The following FMNL2 variants were observed in gnomAD, a reference collection of about 807,000 sequenced individuals.
The protein encoded by FMNL2 is formin-like protein 2.
FMNL2 carries 51 observed loss-of-function variants against 130.2 expected under a neutral mutation model. That is an observed-to-expected ratio of 0.39 (90% confidence interval 0.31 to 0.49). FMNL2 has a LOEUF of 0.49. FMNL2 is among the 20% of genes least tolerant of loss of function. The pLI is 0.85. For synonymous variants in FMNL2, 465 were observed against 467.1 expected (o/e 1.00, Z 0.06); for missense variants, 977 against 1,316.2 (o/e 0.74, Z 3.99).
chr2:152,432,672 A>C (rs1228229786), intron 1 of FMNL2, among the ~76,000 whole-genome samples: 1 of 152,232 alleles, frequency 6.6e-6, no homozygotes, highest in Non-Finnish European at 1.5e-5. Context: ...TGTTATAAAT[A>C]AACTCAAGTC....
intron 25 of FMNL2, chr2:152,645,385 C>G (rs1023119724): frequency 2.8e-5 from 31 of 1,098,380 alleles, no homozygotes; most frequent in Non-Finnish European, 2.4e-5. Context: ...CCATTTTCAT[C>G]CCATTTTTTC....
In FMNL2 at chr2:152,619,656, C is replaced by G. The variant is rs1243770536; in HGVS notation, c.1775C>G (p.Pro592Arg). 1 of 1,612,524 alleles carries G rather than the reference C, an allele frequency of 6.2e-7. No homozygotes were observed. The highest frequency in any genetic ancestry group is 8.5e-7 in the Non-Finnish European group (1 of 1,179,620). ...VPAPPLAPPL[P>R]SAPPLPGTSS... ...GCTCCTCCCTTAGCACCTCCCCTTCCCTCTGCACCTCCGCTGCCTGGAACA... is the reference window on the plus strand; with the variant it reads ...GCTCCTCCCTTAGCACCTCCCCTTCGCTCTGCACCTCCGCTGCCTGGAACA... The change falls in exon 15 of 26, where the codon CCC (proline) becomes CGC (arginine). Residue 592 changes from proline to arginine, a missense_variant. Around this residue, in one of 4 missense-constraint regions of FMNL2, gnomAD observed 689 missense variants for 995.9 expected, o/e 0.69. Coordinates refer to ENST00000288670, the MANE Select transcript of FMNL2 (RefSeq NM_052905.4).
intron 6 of FMNL2, among the ~76,000 whole-genome samples, chr2:152,572,267 C>G (rs1416961947): frequency 1.3e-5 from 2 of 151,992 alleles, no homozygotes; most frequent in Non-Finnish European, 2.9e-5. Context: ...ATCTTAAGGT[C>G]TAAACCTAGA....
intron 1 of FMNL2, among the ~76,000 whole-genome samples, chr2:152,478,022 T>C (rs1431430721): frequency 6.6e-6 from 1 of 151,604 alleles, no homozygotes; most frequent in African/African-American, 2.4e-5. Flanking sequence ...CATTCACAAG[T>C]GGTGGTTAAA....
At chr2:152,603,177 AAC>A (rs1226278407) in intron 9 of FMNL2, among the ~76,000 whole-genome samples, 1 of 152,178 alleles carries the variant, frequency 6.6e-6, no homozygotes, top group Non-Finnish European at 1.5e-5. Context: ...TGTGTCAGGA[AAC>A]ACAACCCTGA....
intron 1 of FMNL2, among the ~76,000 whole-genome samples, chr2:152,406,226 G>C (rs4664578): frequency 0.36 from 54,184 of 152,028 alleles, 10,201 homozygotes; most frequent in Admixed American, 0.44. Flanking sequence ...ATAGAATATG[G>C]GTTCCATGTA....
rs1365489869 is a variant in FMNL2 at position 152,593,860 on chromosome 2, A to AGAGT, written c.876+12812_876+12813insAGTG. Among the ~76,000 whole-genome samples the AGAGT allele has an allele frequency of 5.8e-3, 652 of 113,126 alleles. 27 individuals carry two copies. The highest frequency in any genetic ancestry group is 0.045 in the Admixed American group (416 of 9,252). 74.2% of individuals were successfully genotyped at this position (113,126 alleles called of 152,430 possible). A position where few individuals can be genotyped will look rare whatever the true frequency, so the allele number is the denominator to read the frequency against. ...TAGGGAGAGAGAGAGAGAGAGAGAG[A>AGAGT]GTGTGTGTGTGTGTGTGTGTGTGTG... is the stretch of plus-strand genomic sequence containing the variant. On this transcript the variant is annotated intron_variant, in intron 9 of 25. Coordinates refer to ENST00000288670, the MANE Select transcript of FMNL2 (RefSeq NM_052905.4).
At chr2:152,511,968 A>C (rs939635639) in intron 1 of FMNL2, among the ~76,000 whole-genome samples, 7 of 152,210 alleles carry the variant, frequency 4.6e-5, no homozygotes, top group African/African-American at 1.4e-4. Context: ...TATCACATAG[A>C]AAGTTGACAT....
chr2:152,574,893 A>G (rs1368124971), intron 6 of FMNL2, among the ~76,000 whole-genome samples: 1 of 152,136 alleles, frequency 6.6e-6, no homozygotes, highest in Non-Finnish European at 1.5e-5. Flanking sequence ...TTAAAGTTGT[A>G]CCAGTCTCTG....
intron 1 of FMNL2, among the ~76,000 whole-genome samples, chr2:152,338,225 A>G (rs1681591173): frequency 6.6e-6 from 1 of 152,170 alleles, no homozygotes. Flanking sequence ...TTTCTTGTAT[A>G]ATAAAGATCA....
intron 8 of FMNL2, among the ~76,000 whole-genome samples, chr2:152,579,978 T>G (rs373618144): frequency 1.2e-4 from 19 of 152,362 alleles, no homozygotes; most frequent in African/African-American, 4.3e-4. Context: ...CATTTCTGAT[T>G]TGGAAAATGC....
intron 2 of FMNL2, among the ~76,000 whole-genome samples, chr2:152,541,790 G>GGC (rs1367666481): frequency 6.6e-6 from 1 of 152,090 alleles, no homozygotes; most frequent in Non-Finnish European, 1.5e-5. Flanking sequence ...CATCAGGTTT[G>GGC]TGAGATCCAT....
chr2:152,577,148 A>G (rs1163903494), intron 7 of FMNL2, among the ~76,000 whole-genome samples: 1 of 152,150 alleles, frequency 6.6e-6, no homozygotes, highest in Non-Finnish European at 1.5e-5. Flanking sequence ...GACTAGGATC[A>G]TAGGAGTGGA....
At chr2:152,405,297 G>C in intron 1 of FMNL2, among the ~76,000 whole-genome samples, 1 of 152,110 alleles carries the variant, frequency 6.6e-6, no homozygotes, top group East Asian at 1.9e-4. Context: ...CTTCCTTTCT[G>C]GTCTTTTTTG....
At chr2:152,580,303 T>C (rs1696712903) in intron 8 of FMNL2, among the ~76,000 whole-genome samples, 1 of 152,258 alleles carries the variant, frequency 6.6e-6, no homozygotes. Context: ...ACTTAGAGTG[T>C]ATCTCCATGT....
chr2:152,614,617 C>G (rs962687920), intron 11 of FMNL2, among the ~76,000 whole-genome samples: 2 of 152,166 alleles, frequency 1.3e-5, no homozygotes, highest in African/African-American at 4.8e-5. Flanking sequence ...GTGGCGCGTG[C>G]CTGTAATCCC....
intron 1 of FMNL2, among the ~76,000 whole-genome samples, chr2:152,520,537 G>C (rs1442404691): frequency 3.3e-5 from 5 of 151,338 alleles, no homozygotes; most frequent in Non-Finnish European, 2.9e-5. Context: ...GGAGGTTGCA[G>C]TGAGCCGAGA....
intron 2 of FMNL2, among the ~76,000 whole-genome samples, chr2:152,523,288 C>CAA (rs1367590855): frequency 1.1e-4 from 16 of 152,224 alleles, no homozygotes; most frequent in African/African-American, 3.6e-4. Flanking sequence ...TCATTGTTTT[C>CAA]CTTGGCTGCT....
intron 1 of FMNL2, among the ~76,000 whole-genome samples, chr2:152,445,241 A>G (rs1330500438): frequency 6.6e-6 from 1 of 152,206 alleles, no homozygotes; most frequent in African/African-American, 2.4e-5. Flanking sequence ...GTCTTCCCCA[A>G]TTCTGTGATG....
Sources: allele counts gnomAD v4.1 joint callset (sites outside exome capture counted in the v4.1 genomes callset), GRCh38; gene constraint gnomAD v4.1.1; regional missense constraint gnomAD v4.1.1; transcripts MANE v1.5; gene names NCBI Gene and HGNC (gene_info 2026-07-23, HGNC 2026-07-21).